Variants in FUT8 observed in about 807,000 individuals in gnomAD.
FUT8 encodes fucosyltransferase 8.
A neutral mutation model predicts 71.3 loss-of-function variants in FUT8; 29 were observed. The ratio of observed to expected loss-of-function variants is 0.41; its 90% CI spans 0.30 to 0.55. The LOEUF (loss-of-function observed/expected upper bound fraction) is 0.55, where lower values mean the gene tolerates loss of function less well. Ranked by LOEUF, FUT8 falls within the 20% of genes least tolerant of loss-of-function variation. FUT8 has a pLI of 0.34. For synonymous variants in FUT8, 254 were observed against 239.3 expected, an observed-to-expected ratio of 1.06 and a Z score of -0.57; for missense variants, 544 against 702.1, an observed-to-expected ratio of 0.77 and a Z score of 2.55.
intron 5 of FUT8, among the ~76,000 whole-genome samples, chr14:65,622,480 G>A (rs1441447689): frequency 1.3e-5 from 2 of 152,138 alleles, no homozygotes; most frequent in South Asian, 2.1e-4. Flanking sequence ...AAATGTTAAG[G>A]CCTGGAAACT....
At chr14:65,426,823 G>T (rs557977647) in intron 1 of FUT8, among the ~76,000 whole-genome samples, 1 of 152,238 alleles carries the variant, frequency 6.6e-6, no homozygotes, top group South Asian at 2.1e-4. Flanking sequence ...AATCCTGTGT[G>T]TGTGAGCATG....
intron 3 of FUT8, among the ~76,000 whole-genome samples, chr14:65,599,422 T>C (rs1888182180): frequency 6.6e-6 from 1 of 152,222 alleles, no homozygotes; most frequent in African/African-American, 2.4e-5. Context: ...CAAAAGTTCC[T>C]TTTTGAAAAT....
At chr14:65,674,052 T>G (rs1892600186) in intron 7 of FUT8, among the ~76,000 whole-genome samples, 1 of 152,182 alleles carries the variant, frequency 6.6e-6, no homozygotes, top group Non-Finnish European at 1.5e-5. Context: ...TAATAAGGAT[T>G]GACGTCAGGT....
chr14:65,376,817 T>C, the FUT8 span, among the ~76,000 whole-genome samples: 1 of 152,220 alleles, frequency 6.6e-6, no homozygotes, highest in East Asian at 1.9e-4. Flanking sequence ...CCATGTTTGA[T>C]GGGACTCAGA....
intron 7 of FUT8, among the ~76,000 whole-genome samples, chr14:65,715,385 A>G (rs1895003413): frequency 6.6e-6 from 1 of 152,140 alleles, no homozygotes; most frequent in African/African-American, 2.4e-5. Context: ...TCATTGATTG[A>G]TTTGCATATG....
Position 65,561,779 on chromosome 14 carries a change from A to T in FUT8, c.203+13A>T. The stretch of plus-strand genomic sequence containing the variant: ...CCGAATCTCTCCGGTAGGTCCTAAA[A>T]TACTGAATGAAGAATGATGAAATAT... On this transcript the variant is annotated intron_variant, in intron 3 of 10. Coordinates refer to ENST00000673929, the MANE Select transcript of FUT8 (RefSeq NM_001371533.1). The T allele has an allele frequency of 3.1e-6, 5 of 1,601,798 alleles. No individual in the cohort carries two copies. The highest frequency in any genetic ancestry group is 4.3e-6 in the Non-Finnish European group (5 of 1,169,224).
chr14:65,584,345 A>AT, intron 3 of FUT8, among the ~76,000 whole-genome samples: 1 of 152,108 alleles, frequency 6.6e-6, no homozygotes, highest in East Asian at 1.9e-4. Context: ...CACCTAGCTA[A>AT]TTTTTTGTAT....
At chr14:65,517,465 T>C (rs1297680737) in intron 2 of FUT8, among the ~76,000 whole-genome samples, 3 of 152,302 alleles carry the variant, frequency 2.0e-5, no homozygotes, top group African/African-American at 7.2e-5. Flanking sequence ...AAGAGATATC[T>C]GAGCTCTGAT....
At chr14:65,397,376 G>A in the FUT8 span, among the ~76,000 whole-genome samples, 33 of 152,252 alleles carry the variant, frequency 2.2e-4, no homozygotes, top group Admixed American at 5.9e-4. This position sits in a 1 kb window ranked among gnomAD's most constrained non-coding sequence, Gnocchi z 4.2. Flanking sequence ...GGGAAATCTG[G>A]TGTACAGCAG....
At chr14:65,446,751 G>T (rs1595387730) in intron 1 of FUT8, among the ~76,000 whole-genome samples, 1 of 132,248 alleles carries the variant, frequency 7.6e-6, no homozygotes. Context: ...TCAAATTGTT[G>T]TTACATCTTT....
chr14:65,726,737 C>T (rs1895705839), intron 9 of FUT8, among the ~76,000 whole-genome samples: 1 of 152,136 alleles, frequency 6.6e-6, no homozygotes, highest in Non-Finnish European at 1.5e-5. Flanking sequence ...CCAACAGTCC[C>T]CCCGGAGTCT....
chr14:65,445,249 T>C (rs1323258143), intron 1 of FUT8, among the ~76,000 whole-genome samples: 2 of 152,206 alleles, frequency 1.3e-5, no homozygotes, highest in Non-Finnish European at 2.9e-5. Flanking sequence ...TCTTCTGCTT[T>C]TCTGCCATGT....
intron 3 of FUT8, among the ~76,000 whole-genome samples, chr14:65,594,270 C>T (rs967923604): frequency 5.9e-5 from 9 of 152,146 alleles, no homozygotes; most frequent in Non-Finnish European, 1.0e-4. Flanking sequence ...GGTAAACTTA[C>T]TATTTACTTT....
chr14:65,482,434 C>T (rs1359570013), intron 2 of FUT8, among the ~76,000 whole-genome samples: 1 of 152,024 alleles, frequency 6.6e-6, no homozygotes, highest in Admixed American at 6.6e-5. Flanking sequence ...TCTTACATGA[C>T]AAGAAGAAGC....
intron 2 of FUT8, among the ~76,000 whole-genome samples, chr14:65,516,796 T>C (rs1566796391): frequency 1.3e-5 from 2 of 152,180 alleles, no homozygotes; most frequent in South Asian, 2.1e-4. Flanking sequence ...TTCATTGTTA[T>C]GCAACCATCA....
intron 3 of FUT8, among the ~76,000 whole-genome samples, chr14:65,567,153 CT>C (rs1160055333): frequency 8.6e-5 from 13 of 151,882 alleles, no homozygotes; most frequent in Non-Finnish European, 1.5e-4. Flanking sequence ...GGCTTTTGGC[CT>C]TTTGGCCGAT....
chr14:65,689,803 C>T (rs1291688278), intron 7 of FUT8, among the ~76,000 whole-genome samples: 1 of 152,212 alleles, frequency 6.6e-6, no homozygotes, highest in Non-Finnish European at 1.5e-5. Flanking sequence ...TCCCGAAGTG[C>T]TAGGATTACA....
chr14:65,681,008 G>C (rs886297395), intron 7 of FUT8, among the ~76,000 whole-genome samples: 1 of 152,154 alleles, frequency 6.6e-6, no homozygotes, highest in African/African-American at 2.4e-5. Context: ...CCTCTCTAGA[G>C]AATATCTTTC....
intron 5 of FUT8, among the ~76,000 whole-genome samples, chr14:65,620,147 A>AT (rs34288668): frequency 0.14 from 21,853 of 151,668 alleles, 2,104 homozygotes; most frequent in East Asian, 0.42. Context: ...AAATTACCAT[A>AT]TTTTTTTTAA....
Sources: allele counts gnomAD v4.1 joint callset (sites outside exome capture counted in the v4.1 genomes callset), GRCh38; gene constraint gnomAD v4.1.1; non-coding constraint Gnocchi (gnomAD v3.1); transcripts MANE v1.5; gene names NCBI Gene and HGNC (gene_info 2026-07-23, HGNC 2026-07-21).